The following TPRG1 variants were observed in gnomAD, a reference collection of about 807,000 sequenced individuals.
The protein encoded by TPRG1 is tumor protein p63-regulated gene 1 protein.
TPRG1 carries 29 observed loss-of-function variants against 29.3 expected under a neutral mutation model. That is an observed-to-expected ratio of 0.99 (90% confidence interval 0.74 to 1.35). The LOEUF (loss-of-function observed/expected upper bound fraction) is 1.35. Ranked by LOEUF, TPRG1 falls within the 40% of genes most tolerant of loss-of-function variation. The probability of loss-of-function intolerance (pLI) is 0.00; values close to 1 mark genes in which losing one functional copy is unlikely to be tolerated. For synonymous variants in TPRG1, 130 were observed against 116.8 expected, an observed-to-expected ratio of 1.11 and a Z score of -0.73; for missense variants, 327 against 335.0, an observed-to-expected ratio of 0.98 and a Z score of 0.19.
At chr3:189,312,170 T>G in intron 5 of TPRG1, among the ~76,000 whole-genome samples, 1 of 79,384 alleles carries the variant, frequency 1.3e-5, no homozygotes, top group East Asian at 4.2e-4. Flanking sequence ...TCTTTCTTTC[T>G]TTCTTTCTTT....
At position 189,237,613 on chromosome 3, in the gene TPRG1, T is replaced by C. The variant is rs150661853; in HGVS notation, c.303-1120T>C. 2.6e-4 allele frequency among the ~76,000 whole-genome samples: 40 copies of C among 152,250 alleles called. No homozygotes were observed. The East Asian group carries it at 7.2e-3, about 27-fold the overall frequency. ...GTTTCAGCGTACTCTGAGATGACCC[T>C]GAGTAGAGGCCGGATTATACAGGCG... On this transcript the variant is annotated intron_variant, in intron 3 of 5. Transcript: ENST00000345063.
intron 4 of TPRG1, among the ~76,000 whole-genome samples, chr3:189,044,362 C>G (rs1159694392): frequency 6.6e-6 from 1 of 152,114 alleles, no homozygotes; most frequent in Non-Finnish European, 1.5e-5. Flanking sequence ...TGAGACCAAC[C>G]TGGCCAACAT....
rs183479474 is a variant in TPRG1, at chr3:189,257,562, G to C, written c.479+18653G>C. On this transcript the variant is annotated intron_variant, in intron 4 of 5. Transcript: ENST00000345063. ...TTTGACTGTTGGCCTGTCTTGCTAG[G>C]TTGGGGAAGTTCTTTAGGATAATAT... Among the ~76,000 whole-genome samples, 805 of 152,238 alleles carry C rather than the reference G, an allele frequency of 5.3e-3. 2 individuals carry two copies. The highest frequency in any genetic ancestry group is 9.4e-3 in the Non-Finnish European group (637 of 68,028).
chr3:189,034,888 A>G (rs886369583), intron 4 of TPRG1, among the ~76,000 whole-genome samples: 17 of 152,204 alleles, frequency 1.1e-4, no homozygotes, highest in African/African-American at 3.9e-4. Flanking sequence ...ATTCAATGCT[A>G]TTTCTATCAA....
chr3:189,021,940 C>CT (rs1216179032), intron 3 of TPRG1, among the ~76,000 whole-genome samples: 5 of 152,096 alleles, frequency 3.3e-5, no homozygotes, highest in Non-Finnish European at 2.9e-5. Flanking sequence ...TCTTTTTATT[C>CT]TTTTTTCTCT....
chr3:189,209,342 T>C (rs565738311), intron 2 of TPRG1, among the ~76,000 whole-genome samples: 57 of 152,330 alleles, frequency 3.7e-4, no homozygotes, highest in Admixed American at 6.5e-4. Context: ...TTCTACCTTT[T>C]GAATATTACA....
At chr3:189,199,375 G>A (rs774866367) in intron 1 of TPRG1, among the ~76,000 whole-genome samples, 16 of 152,284 alleles carry the variant, frequency 1.1e-4, no homozygotes, top group East Asian at 1.9e-4. Context: ...TTGTAGACTC[G>A]TTGAGCTGGA....
chr3:189,202,211 C>T (rs1473573196), intron 1 of TPRG1, among the ~76,000 whole-genome samples: 5 of 152,144 alleles, frequency 3.3e-5, no homozygotes, highest in Non-Finnish European at 5.9e-5. Context: ...AAAGAATCAT[C>T]TTAAGATCAT....
chr3:189,125,349 T>C (rs574439702), intron 1 of TPRG1, among the ~76,000 whole-genome samples: 1 of 152,308 alleles, frequency 6.6e-6, no homozygotes, highest in African/African-American at 2.4e-5. Flanking sequence ...CGTATTGTTT[T>C]TGAGGATCAA....
chr3:189,102,874 C>T (rs376634262), intron 1 of TPRG1, among the ~76,000 whole-genome samples: 31 of 152,302 alleles, frequency 2.0e-4, no homozygotes, highest in South Asian at 1.7e-3. Flanking sequence ...GGTCCTCAAA[C>T]GCCAGGGTCT....
intron 3 of TPRG1, among the ~76,000 whole-genome samples, chr3:189,143,338 A>T (rs960098695): frequency 2.0e-5 from 3 of 152,216 alleles, no homozygotes; most frequent in Admixed American, 6.5e-5. Flanking sequence ...TTCAAGGTTG[A>T]CAATGAGGAC....
Position 189,080,394 on chromosome 3 carries a change from G to A in TPRG1, c.-462-46663G>A, listed in dbSNP as rs115906267. Among the ~76,000 whole-genome samples the A allele has an allele frequency of 7.1e-3, 1,087 of 152,224 alleles. 11 individuals are homozygous for A. Among genetic ancestry groups the A allele is most frequent in the African/African-American group, 0.025 (1,052 of 41,532 alleles). ...TAGCTGAAGCCATAGAAGAGACATA[G>A]CCATTACTGCAGACACTGCAAAAAT... On this transcript the variant is annotated intron_variant, in intron 4 of 10. Transcript: ENST00000433971.
chr3:189,018,077 G>A (rs977972510), intron 3 of TPRG1, among the ~76,000 whole-genome samples: 42 of 152,208 alleles, frequency 2.8e-4, no homozygotes, highest in African/African-American at 9.2e-4. Flanking sequence ...TGATGGGGTT[G>A]TTTGTTTTTT....
chr3:189,018,942 T>C (rs867837279), intron 3 of TPRG1, among the ~76,000 whole-genome samples: 2 of 152,212 alleles, frequency 1.3e-5, no homozygotes, highest in Middle Eastern at 3.4e-3. Context: ...GAAGAGGTCC[T>C]TCACATCCCT....
At chr3:189,092,832 G>T (rs1718426291) in intron 4 of TPRG1, among the ~76,000 whole-genome samples, 1 of 152,124 alleles carries the variant, frequency 6.6e-6, no homozygotes, top group African/African-American at 2.4e-5. Flanking sequence ...CCTACTGCAT[G>T]CAAGGCCCTG....
intron 2 of TPRG1, among the ~76,000 whole-genome samples, chr3:189,129,074 ATTAACT>A (rs1560470042): frequency 1.3e-5 from 2 of 152,242 alleles, no homozygotes; most frequent in African/African-American, 4.8e-5. Flanking sequence ...AAACTAAGAA[ATTAACT>A]TTAGTACTAT....
intron 1 of TPRG1, among the ~76,000 whole-genome samples, chr3:189,197,970 A>G (rs1732820574): frequency 6.6e-6 from 1 of 152,218 alleles, no homozygotes. Context: ...CAGAATGTGT[A>G]AGTGGGTTGA....
chr3:189,143,889 G>A (rs1183428524), intron 3 of TPRG1, among the ~76,000 whole-genome samples: 1 of 151,976 alleles, frequency 6.6e-6, no homozygotes, highest in Non-Finnish European at 1.5e-5. Flanking sequence ...TTGAAGCTTG[G>A]GCCTCTCTCT....
rs1722415097 is a variant in TPRG1, at chr3:189,125,866, TG to T, written c.-743-1190del. Among the ~76,000 whole-genome samples, 9 of 113,736 alleles carry T rather than the reference TG, an allele frequency of 7.9e-5. No homozygotes were observed. The Admixed American group carries it at 8.6e-4, about 11-fold the overall frequency. The allele number at this position is 113,736 out of a possible 152,430, so 74.6% of individuals were successfully genotyped here. On this transcript the variant is annotated intron_variant, in intron 1 of 6. Coordinates refer to the TPRG1 transcript ENST00000412373. Reference sequence around the variant, plus strand: ...GTGTGTGTGTGTGTGTGTGTGTGTGTGTGTGTTTGGTATATTTAGTTTTATT... The same window carrying T: ...GTGTGTGTGTGTGTGTGTGTGTGTGTTGTGTTTGGTATATTTAGTTTTATT...
Sources: allele counts gnomAD v4.1 joint callset (sites outside exome capture counted in the v4.1 genomes callset), GRCh38; gene constraint gnomAD v4.1.1; transcripts MANE v1.5; gene names NCBI Gene and HGNC (gene_info 2026-07-23, HGNC 2026-07-21).